The following FBXL5 variants were observed in gnomAD, a reference collection of about 807,000 sequenced individuals.
FBXL5 encodes F-box/LRR-repeat protein 5.
A neutral mutation model predicts 78.3 loss-of-function variants in FBXL5; 26 were observed. The ratio of observed to expected loss-of-function variants is 0.33; its 90% CI spans 0.24 to 0.46. FBXL5 has a LOEUF of 0.46. Among genes scored for constraint, FBXL5 ranks in the 20% least tolerant of loss-of-function variants. The pLI is 1.00. For missense variants in FBXL5, 710 were observed against 829.2 expected (o/e 0.86, Z 1.77); for synonymous variants, 295 against 282.5 (o/e 1.04, Z -0.45).
At chr4:15,637,078 T>C (rs979557184) in intron 4 of FBXL5, among the ~76,000 whole-genome samples, 2 of 152,240 alleles carry the variant, frequency 1.3e-5, no homozygotes, top group Non-Finnish European at 2.9e-5. Flanking sequence ...GCATTTTTAA[T>C]GACACACACA....
chr4:15,638,781 G>T, intron 3 of FBXL5, 87 bp from the exon 4 acceptor site: 1 of 796,076 alleles, frequency 1.3e-6, no homozygotes, highest in Non-Finnish European at 1.9e-6. Flanking sequence ...TGGCTCGAAT[G>T]TCGTATTATG....
intron 1 of FBXL5, among the ~76,000 whole-genome samples, chr4:15,680,010 T>C (rs568088862): frequency 6.6e-6 from 1 of 152,282 alleles, no homozygotes; most frequent in South Asian, 2.1e-4. Context: ...TACGCGTGAT[T>C]TACTGTATAA....
chr4:15,630,607 G>T, intron 6 of FBXL5, 59 bp downstream of exon 6: 1 of 1,390,554 alleles, frequency 7.2e-7, no homozygotes, highest in Non-Finnish European at 9.6e-7. Context: ...ATAATTATAA[G>T]TACTTAATTA....
chr4:15,625,750 G>C lies in FBXL5; in HGVS notation c.1352C>G (p.Thr451Ser). 3 of 1,614,176 alleles carry C rather than the reference G, an allele frequency of 1.9e-6. No homozygotes were observed. Among genetic ancestry groups the C allele is most frequent in the South Asian group, 1.1e-5 (1 of 91,086 alleles). Reference protein sequence around the residue: ...TKQYACLHDLTNKGIGEEIDN... With the variant: ...TKQYACLHDLSNKGIGEEIDN... ...TATTTCTTCTCCAATGCCCTTGTTA[G>C]TTAAATCGTGCAAACAGGCATACTG... Residue 451 changes from threonine to serine, a missense_variant, in exon 9 of 11, where the codon ACT becomes AGT. Thr to Ser is a moderately conservative substitution (Grantham distance 58). Transcript: ENST00000341285.
chr4:15,674,218 T>G (rs1165491834), intron 1 of FBXL5, among the ~76,000 whole-genome samples: 2 of 152,084 alleles, frequency 1.3e-5, no homozygotes, highest in African/African-American at 4.8e-5. Context: ...TTTTTTTTTT[T>G]TTAATTCTCT....
intron 1 of FBXL5, among the ~76,000 whole-genome samples, chr4:15,645,291 T>C (rs1214503925): frequency 6.6e-6 from 1 of 152,118 alleles, no homozygotes; most frequent in African/African-American, 2.4e-5. Flanking sequence ...CATAACAGAA[T>C]TAACTATCTT....
intron 2 of FBXL5, chr4:15,641,680 AC>A: frequency 2.2e-6 from 1 of 445,416 alleles, no homozygotes; most frequent in Non-Finnish European, 4.4e-6. Flanking sequence ...TTTCAACAGC[AC>A]AGGGTGTTGG....
At chr4:15,613,997 G>C (rs1213687454) in intron 9 of FBXL5, among the ~76,000 whole-genome samples, 1 of 152,094 alleles carries the variant, frequency 6.6e-6, no homozygotes, top group Non-Finnish European at 1.5e-5. Context: ...TGTTCCTTTG[G>C]GAGTGTTAAA....
At chr4:15,657,960 T>C (rs1316066711), upstream of FBXL5, among the ~76,000 whole-genome samples, 1 of 152,204 alleles carries the variant, frequency 6.6e-6, no homozygotes, top group African/African-American at 2.4e-5. Flanking sequence ...GAATAAGGCA[T>C]GTGAACAGAG....
At chr4:15,656,114 A>T, upstream of FBXL5, 1 of 452,830 alleles carries the variant, frequency 2.2e-6, no homozygotes, top group Non-Finnish European at 4.4e-6. Flanking sequence ...GATAGGCCCG[A>T]CGGGCCTTGG....
Position 15,638,567 on chromosome 4 carries a change from T to C in FBXL5, c.524A>G (p.Asn175Ser), listed in dbSNP as rs1714517538. 3 of 1,608,402 alleles carry C rather than the reference T, an allele frequency of 1.9e-6. No homozygotes were observed. Among genetic ancestry groups the C allele is most frequent in the Non-Finnish European group, 2.5e-6 (3 of 1,178,658 alleles). The change falls in exon 4 of 11, where the codon AAT becomes AGT. Residue 175 changes from asparagine (N) to serine (S), a missense_variant. Physicochemically the swap from Asn to Ser is conservative, Grantham distance 46. Around this residue, in one of 4 missense-constraint regions of FBXL5, gnomAD observed 517 missense variants for 542.9 expected, o/e 0.95. Coordinates refer to ENST00000341285, the MANE Select transcript of FBXL5 (RefSeq NM_012161.4). ...AELLRGLSLWNHAEERQKFFK... is the reference protein window; with the variant it reads ...AELLRGLSLWSHAEERQKFFK... Reference sequence around the variant, plus strand: ...AAACTTCTGTCGCTCTTCAGCATGATTCCATAGGCTAAGACCTCTAAGGAG... The same window carrying C: ...AAACTTCTGTCGCTCTTCAGCATGACTCCATAGGCTAAGACCTCTAAGGAG...
chr4:15,622,587 T>C (rs1346578791), intron 9 of FBXL5, among the ~76,000 whole-genome samples: 1 of 152,194 alleles, frequency 6.6e-6, no homozygotes, highest in Non-Finnish European at 1.5e-5. Flanking sequence ...CTTCAGAACA[T>C]TCAGTCTGAT....
At chr4:15,608,837 A>G (rs1456456899) in intron 10 of FBXL5, among the ~76,000 whole-genome samples, 1 of 152,172 alleles carries the variant, frequency 6.6e-6, no homozygotes, top group African/African-American at 2.4e-5. Context: ...CATGAAAGTG[A>G]CAGCACCCAT....
chr4:15,654,172 T>C (rs73241197), intron 1 of FBXL5, among the ~76,000 whole-genome samples: 13,537 of 152,252 alleles, frequency 0.089, 758 homozygotes, highest in Non-Finnish European at 0.12. Flanking sequence ...AGACAATGGT[T>C]CTGCATAATG....
intron 2 of FBXL5, among the ~76,000 whole-genome samples, chr4:15,641,141 T>C (rs1714830215): frequency 6.6e-6 from 1 of 152,182 alleles, no homozygotes; most frequent in Non-Finnish European, 1.5e-5. Flanking sequence ...ACAGCTTTTA[T>C]TGATGTATAT....
chr4:15,625,716 T>C lies in FBXL5; in HGVS notation c.1386A>G (p.Glu462=), dbSNP rs1387247660. The C allele has an allele frequency of 1.2e-6, 2 of 1,614,090 alleles. No homozygotes were observed. The highest frequency in any genetic ancestry group is 1.3e-5 in the African/African-American group (1 of 74,944). ...AAGAAACAGGCTTAGTCCAGGGGTGTTCATTATCTATTTCTTCTCCAATGC... is the reference window on the plus strand; with the variant it reads ...AAGAAACAGGCTTAGTCCAGGGGTGCTCATTATCTATTTCTTCTCCAATGC... ...NKGIGEEIDN[E]HPWTKPVSSE... The change falls in exon 9 of 11, where the codon GAA becomes GAG. Residue 462 remains glutamate (E), a synonymous_variant. Coordinates refer to ENST00000341285, the MANE Select transcript of FBXL5 (RefSeq NM_012161.4).
At chr4:15,680,617 A>T (rs1486432963) in intron 1 of FBXL5, among the ~76,000 whole-genome samples, 2 of 152,108 alleles carry the variant, frequency 1.3e-5, no homozygotes, top group Non-Finnish European at 2.9e-5. Flanking sequence ...CTGAGGTTGC[A>T]GTGAGCCGAG....
chr4:15,608,324 C>T (rs1715737639), intron 10 of FBXL5, among the ~76,000 whole-genome samples: 1 of 152,072 alleles, frequency 6.6e-6, no homozygotes, highest in African/African-American at 2.4e-5. Flanking sequence ...TCTAACCTGA[C>T]ATGACACAGT....
At position 15,630,726 on chromosome 4, in the gene FBXL5, T is replaced by C. The variant is rs926744671; in HGVS notation, c.832A>G (p.Arg278Gly). The C allele has an allele frequency of 3.7e-6, 6 of 1,608,836 alleles. No homozygotes were observed. The highest frequency in any genetic ancestry group is 5.1e-6 in the Non-Finnish European group (6 of 1,178,724). ...TEPDDEWVKN[R>G]KDESRAFHEW... ...TGAAAAGCACGACTTTCATCTTTCC[T>C]ATTTTTCACCCATTCATCATCAGGT... The change falls in exon 6 of 11, where the codon AGG becomes GGG. Residue 278 changes from arginine to glycine, a missense_variant. By Grantham distance (125) the Arg-to-Gly change is moderately radical. Around this residue, in one of 4 missense-constraint regions of FBXL5, gnomAD observed 517 missense variants for 542.9 expected, o/e 0.95. Transcript: ENST00000341285.
Sources: allele counts gnomAD v4.1 joint callset (sites outside exome capture counted in the v4.1 genomes callset), GRCh38; gene constraint gnomAD v4.1.1; regional missense constraint gnomAD v4.1.1; transcripts MANE v1.5; gene names NCBI Gene and HGNC (gene_info 2026-07-23, HGNC 2026-07-21).